Variants in PDILT observed in about 807,000 individuals in gnomAD.
The protein encoded by PDILT is protein disulfide-isomerase-like protein of the testis.
In PDILT, 43 loss-of-function variants were observed where a neutral mutation model predicts 53.7. That is an observed-to-expected ratio of 0.80 (90% confidence interval 0.63 to 1.03). The LOEUF (loss-of-function observed/expected upper bound fraction) is 1.03, where lower values mean the gene tolerates loss of function less well. PDILT is among the 50% of genes least tolerant of loss of function. The pLI is 0.00. For synonymous variants in PDILT, 282 were observed against 274.2 expected (o/e 1.03, Z -0.28); for missense variants, 727 against 712.3 (o/e 1.02, Z -0.24).
intron 1 of PDILT, among the ~76,000 whole-genome samples, chr16:20,402,895 C>T (rs1311642229): frequency 2.0e-5 from 3 of 152,146 alleles, no homozygotes; most frequent in Non-Finnish European, 4.4e-5. Flanking sequence ...TCAGCCTTGG[C>T]CCTTGGTTCT....
intron 10 of PDILT, among the ~76,000 whole-genome samples, chr16:20,361,677 T>C (rs1966102692): frequency 6.6e-6 from 1 of 152,208 alleles, no homozygotes; most frequent in Non-Finnish European, 1.5e-5. Flanking sequence ...GCCACAGTGC[T>C]GGGGTCACCC....
In PDILT at chr16:20,362,570, G is replaced by A. The variant is rs1234380634; in HGVS notation, c.1250C>T (p.Ser417Phe). The A allele has an allele frequency of 1.2e-6, 2 of 1,614,056 alleles. No individual in the cohort carries two copies. Among genetic ancestry groups the A allele is most frequent in the East Asian group, 2.2e-5 (1 of 44,854 alleles). Residue 417 changes from serine to phenylalanine, a missense_variant, in exon 10 of 12, where the codon TCT becomes TTT. By Grantham distance (155) the Ser-to-Phe change is radical. Coordinates refer to ENST00000302451, the MANE Select transcript of PDILT (RefSeq NM_174924.2). The part of the protein sequence containing the change: ...DVFVMFYAPW[S>F]KKCKMLFPLL... ...TGGGAACAGCATCTTGCACTTTTTA[G>A]ACCAGGGTGCATCTGGAAGAGAAGG... is the stretch of plus-strand genomic sequence containing the variant.
chr16:20,376,207 G>A lies in PDILT; in HGVS notation c.410-6C>T, dbSNP rs768955459. 6.2e-6 allele frequency: 10 copies of A among 1,614,060 alleles called. No individual in the cohort carries two copies. The South Asian group carries it at 8.8e-5, about 14-fold the overall frequency. On this transcript the variant is annotated splice_region_variant and splice_polypyrimidine_tract_variant and intron_variant, in intron 3 of 11. Coordinates refer to ENST00000302451, the MANE Select transcript of PDILT (RefSeq NM_174924.2). ...GGCAGCAGATTCAACCACTCCTGGA[G>A]AAAGACACAGTCAAATAGATACCAG...
chr16:20,375,443 C>T (rs1966370820), intron 4 of PDILT, among the ~76,000 whole-genome samples: 1 of 152,124 alleles, frequency 6.6e-6, no homozygotes, highest in Non-Finnish European at 1.5e-5. Context: ...CCAAGTTCTG[C>T]CTTCTACTGG....
chr16:20,367,111 C>A (rs1966224610), intron 8 of PDILT, among the ~76,000 whole-genome samples: 1 of 120,240 alleles, frequency 8.3e-6, no homozygotes, highest in African/African-American at 3.2e-5. Flanking sequence ...TTCTTCCTTT[C>A]TTTCCTTTTG....
intron 3 of PDILT, among the ~76,000 whole-genome samples, chr16:20,381,761 T>C (rs1250969364): frequency 2.6e-5 from 4 of 152,152 alleles, no homozygotes; most frequent in Non-Finnish European, 5.9e-5. Flanking sequence ...CATCCTGGCA[T>C]TCCCTTTGCC....
At chr16:20,370,734 G>A (rs964322745) in intron 7 of PDILT, among the ~76,000 whole-genome samples, 2 of 152,118 alleles carry the variant, frequency 1.3e-5, no homozygotes, top group African/African-American at 2.4e-5. Context: ...ACAAGATACA[G>A]GTCATAAAGA....
chr16:20,385,988 A>G (rs977288836), intron 2 of PDILT: 1 of 151,934 alleles, frequency 6.6e-6, no homozygotes, highest in Non-Finnish European at 1.5e-5. Flanking sequence ...GTTGCCCTGC[A>G]TGTAATTGGA....
rs939692911 is a variant in PDILT, at chr16:20,399,288, A to G, written c.13T>C (p.Trp5Arg). ...GCGGCCACCAGCAGCAGGGGCATCC[A>G]GAGTAGGTCCATGGCTGTCCTGCAG... MDLLWMPLLLVAACV... is the reference protein window; with the variant it reads MDLLRMPLLLVAACV... Residue 5 changes from tryptophan to arginine, a missense_variant, in exon 2 of 12, where the codon TGG (tryptophan) becomes CGG (arginine). Physicochemically the swap from Trp to Arg is moderately radical, Grantham distance 101. Coordinates refer to ENST00000302451, the MANE Select transcript of PDILT (RefSeq NM_174924.2). 6.2e-7 allele frequency: 1 copy of G among 1,613,890 alleles called. No homozygotes were observed. The highest frequency in any genetic ancestry group is 8.5e-7 in the Non-Finnish European group (1 of 1,179,910).
rs1463972586 is a variant in PDILT at position 20,369,808 on chromosome 16, T to C, written c.919-119A>G. 12 of 977,114 alleles carry C rather than the reference T, an allele frequency of 1.2e-5. 1 individual carries two copies. The highest frequency in any genetic ancestry group is 1.0e-4 in the South Asian group (7 of 69,604). The allele number at this position is 977,114 out of a possible 1,614,324, so 60.5% of individuals were successfully genotyped here. A position where few individuals can be genotyped will look rare whatever the true frequency, so the allele number is the denominator to read the frequency against. Reference sequence around the variant, plus strand: ...GGGTCTGTGGAGCACCTCTGCAAAATGTAACAAAGGCAGGTGGAGCTCTGC... The same window carrying C: ...GGGTCTGTGGAGCACCTCTGCAAAACGTAACAAAGGCAGGTGGAGCTCTGC... On this transcript the variant is annotated intron_variant, in intron 7 of 11. Transcript: ENST00000302451.
chr16:20,366,936 TTTCCTTCC>T (rs554919222), intron 8 of PDILT, among the ~76,000 whole-genome samples: 2,620 of 35,706 alleles, frequency 0.073, 125 homozygotes, highest in African/African-American at 0.13. Flanking sequence ...AACCAAATTC[TTTCCTTCC>T]TTCCTTCCTT....
chr16:20,383,012 G>A (rs746920728), intron 3 of PDILT, among the ~76,000 whole-genome samples: 21 of 152,202 alleles, frequency 1.4e-4, no homozygotes, highest in Non-Finnish European at 2.6e-4. Flanking sequence ...CAGAGGTGGA[G>A]CAGGCACCCT....
chr16:20,364,309 C>T (rs894989168), intron 9 of PDILT, among the ~76,000 whole-genome samples: 1 of 152,276 alleles, frequency 6.6e-6, no homozygotes, highest in Non-Finnish European at 1.5e-5. Flanking sequence ...AAGCACCTCA[C>T]TCTGTGAATA....
At chr16:20,400,072 A>ATATATATT (rs753235349) in intron 1 of PDILT, among the ~76,000 whole-genome samples, 15 of 137,488 alleles carry the variant, frequency 1.1e-4, no homozygotes, top group African/African-American at 4.3e-4. Context: ...ATATATATAT[A>ATATATATT]TTTTTTGAGA....
At chr16:20,397,008 G>A (rs1208483079) in intron 2 of PDILT, among the ~76,000 whole-genome samples, 1 of 152,188 alleles carries the variant, frequency 6.6e-6, no homozygotes, top group Non-Finnish European at 1.5e-5. Flanking sequence ...AAACTGGCGA[G>A]GATGATGATA....
chr16:20,384,865 A>G lies in PDILT; in HGVS notation c.203-14T>C, dbSNP rs143794734. On this transcript the variant is annotated splice_polypyrimidine_tract_variant and intron_variant, in intron 2 of 11. Coordinates refer to ENST00000302451, the MANE Select transcript of PDILT (RefSeq NM_174924.2). ...AGGATGGGTTGTCTGAAAGAGTATG[A>G]AGACAAAATTTGAGAGGCCTTTCCT... The G allele has an allele frequency of 6.2e-7, 1 of 1,613,286 alleles. No homozygotes were observed. The highest frequency in any genetic ancestry group is 2.2e-5 in the East Asian group (1 of 44,874).
At chr16:20,401,846 C>T (rs887964005) in intron 1 of PDILT, among the ~76,000 whole-genome samples, 5 of 152,230 alleles carry the variant, frequency 3.3e-5, no homozygotes, top group Admixed American at 2.6e-4. Context: ...GCAGAGTGTT[C>T]GCCCTGAGTT....
intron 3 of PDILT, among the ~76,000 whole-genome samples, chr16:20,380,850 C>T (rs11860718): frequency 0.011 from 1,730 of 152,258 alleles, 43 homozygotes; most frequent in African/African-American, 0.04. Context: ...TTCTTGGGGA[C>T]GTGTGAGCTC....
intron 8 of PDILT, among the ~76,000 whole-genome samples, chr16:20,367,084 T>TTTCTTTC (rs1555489449): frequency 8.7e-6 from 1 of 115,194 alleles, no homozygotes; most frequent in East Asian, 2.1e-4. Context: ...TCTTTCTTTC[T>TTTCTTTC]TTCTTTCTTT....
Sources: gnomAD v4.1 joint callset for allele counts (sites outside exome capture counted in the v4.1 genomes callset) on GRCh38, gnomAD v4.1.1 for gene constraint, MANE v1.5 for transcripts, NCBI Gene and HGNC (gene_info 2026-07-23, HGNC 2026-07-21) for gene names.